OSBPL9: variants seen among roughly 807,000 people sequenced by gnomAD.
OSBPL9 encodes the protein oxysterol-binding protein-related protein 9.
In OSBPL9, 40 loss-of-function variants were observed where a neutral mutation model predicts 106.6. The ratio of observed to expected loss-of-function variants is 0.38; its 90% CI spans 0.29 to 0.49. The LOEUF (loss-of-function observed/expected upper bound fraction) is 0.49, where lower values mean the gene tolerates loss of function less well. Among genes scored for constraint, OSBPL9 ranks in the 20% least tolerant of loss-of-function variants. The pLI is 0.97. For missense variants in OSBPL9, 609 were observed against 887.2 expected, an observed-to-expected ratio of 0.69 and a Z score of 3.98; for synonymous variants, 269 against 295.4, an observed-to-expected ratio of 0.91 and a Z score of 0.92.
the OSBPL9 span, among the ~76,000 whole-genome samples, chr1:51,540,357 C>A: frequency 6.6e-5 from 10 of 151,992 alleles, no homozygotes; most frequent in Non-Finnish European, 1.0e-4. Context: ...TTCTTCTTAG[C>A]CTTTAAAACA....
At chr1:51,549,847 C>T in the OSBPL9 span, among the ~76,000 whole-genome samples, 1 of 151,938 alleles carries the variant, frequency 6.6e-6, no homozygotes, top group South Asian at 2.1e-4. Context: ...CAAAACAAAA[C>T]AAAAAGCACT....
At chr1:51,724,505 C>T (rs1478035161) in intron 4 of OSBPL9, among the ~76,000 whole-genome samples, 1 of 151,980 alleles carries the variant, frequency 6.6e-6, no homozygotes, top group East Asian at 1.9e-4. Flanking sequence ...AGGCTGGTCT[C>T]GAACTCCTGA....
Position 51,641,776 on chromosome 1 carries a change from G to A in OSBPL9, c.112-10215G>A, listed in dbSNP as rs182755560. The stretch of plus-strand genomic sequence containing the variant: ...TAGGATCTGTTTCTCAGCTTCCTGG[G>A]AGCACCGGGTCAATGCCGAGATAAA... On this transcript the variant is annotated intron_variant, in intron 1 of 23. Transcript: ENST00000428468. 1.6e-3 allele frequency among the ~76,000 whole-genome samples: 242 copies of A among 152,170 alleles called. 3 individuals are homozygous for A. Among genetic ancestry groups the A allele is most frequent in the South Asian group, 0.014 (66 of 4,820 alleles).
intron 3 of OSBPL9, among the ~76,000 whole-genome samples, chr1:51,697,291 A>T (rs1656236989): frequency 6.6e-6 from 1 of 152,096 alleles, no homozygotes; most frequent in African/African-American, 2.4e-5. Flanking sequence ...GAATTGTTTT[A>T]TCCTTGCTCA....
intron 12 of OSBPL9, among the ~76,000 whole-genome samples, chr1:51,771,248 T>C (rs1429493596): frequency 1.3e-5 from 2 of 152,230 alleles, no homozygotes; most frequent in Admixed American, 6.5e-5. Flanking sequence ...GTGTACTGTT[T>C]TATAAATATC....
chr1:51,555,162 T>C, the OSBPL9 span, among the ~76,000 whole-genome samples: 1 of 152,200 alleles, frequency 6.6e-6, no homozygotes, highest in Admixed American at 6.5e-5. Flanking sequence ...CTCAGATTGA[T>C]AGTGCCTACT....
At chr1:51,582,285 G>C (rs10888730) in intron 1 of OSBPL9, among the ~76,000 whole-genome samples, 30,022 of 151,964 alleles carry the variant, frequency 0.2, 4,345 homozygotes, top group African/African-American at 0.41. Flanking sequence ...ATTACCAAAA[G>C]GAAGTGGTCA....
At chr1:51,760,585 T>G (rs2149064124) in intron 9 of OSBPL9, 105 bp from the exon 10 acceptor site, 209 of 1,525,790 alleles carry the variant, frequency 1.4e-4, no homozygotes, top group Middle Eastern at 9.2e-4. Flanking sequence ...AACATATCTA[T>G]ATAGCTACCC....
intron 4 of OSBPL9, among the ~76,000 whole-genome samples, chr1:51,723,880 T>C (rs2148918727): frequency 1.3e-5 from 2 of 152,340 alleles, no homozygotes; most frequent in Middle Eastern, 6.8e-3. Context: ...GGAGTGCCAT[T>C]GTTGGATCAT....
chr1:51,630,047 C>G (rs1390668364), intron 1 of OSBPL9, among the ~76,000 whole-genome samples: 1 of 151,856 alleles, frequency 6.6e-6, no homozygotes, highest in African/African-American at 2.4e-5. Flanking sequence ...CCCTTTTTCA[C>G]AGGGGACGGA....
chr1:51,614,856 G>A (rs1644014722), upstream of OSBPL9, among the ~76,000 whole-genome samples: 1 of 152,102 alleles, frequency 6.6e-6, no homozygotes, highest in South Asian at 2.1e-4. Flanking sequence ...TAGCAAACTT[G>A]CCTAAGGCCA....
intron 4 of OSBPL9, among the ~76,000 whole-genome samples, chr1:51,742,566 C>A (rs1667158050): frequency 6.7e-6 from 1 of 150,332 alleles, no homozygotes; most frequent in Non-Finnish European, 1.5e-5. Flanking sequence ...CCTGTCTCCA[C>A]AAAAAAAGTA....
the OSBPL9 span, among the ~76,000 whole-genome samples, chr1:51,523,789 C>T: frequency 3.9e-5 from 6 of 152,198 alleles, no homozygotes; most frequent in South Asian, 2.1e-4. Context: ...CCCTCCCCAA[C>T]CCATCCTTAA....
At chr1:51,609,234 TC>T (rs1442327416) in intron 2 of OSBPL9, among the ~76,000 whole-genome samples, 1 of 152,108 alleles carries the variant, frequency 6.6e-6, no homozygotes, top group East Asian at 1.9e-4. Flanking sequence ...CTCTTCTTTT[TC>T]CTCTTCTTTA....
chr1:51,535,465 T>C, the OSBPL9 span, among the ~76,000 whole-genome samples: 1 of 152,232 alleles, frequency 6.6e-6, no homozygotes, highest in Non-Finnish European at 1.5e-5. Context: ...TTGGCTCCAT[T>C]TCTCTGCTCC....
At chr1:51,643,285 T>C (rs1326221735) in intron 1 of OSBPL9, among the ~76,000 whole-genome samples, 1 of 152,190 alleles carries the variant, frequency 6.6e-6, no homozygotes, top group African/African-American at 2.4e-5. Flanking sequence ...GGATTTTATT[T>C]TCCCACAGTA....
At chr1:51,529,120 C>A in the OSBPL9 span, among the ~76,000 whole-genome samples, 54 of 152,280 alleles carry the variant, frequency 3.5e-4, no homozygotes, top group Non-Finnish European at 4.9e-4. Flanking sequence ...ATTAGAATAC[C>A]AGTTAGCTTC....
chr1:51,678,654 CTG>C (rs1651849745), intron 3 of OSBPL9, among the ~76,000 whole-genome samples: 1 of 152,288 alleles, frequency 6.6e-6, no homozygotes, highest in South Asian at 2.1e-4. Flanking sequence ...GAGCAAGACT[CTG>C]TCTCCAAAAA....
chr1:51,679,906 G>C (rs1343012567), intron 3 of OSBPL9, among the ~76,000 whole-genome samples: 1 of 152,014 alleles, frequency 6.6e-6, no homozygotes, highest in Non-Finnish European at 1.5e-5. Flanking sequence ...CTTTATTATA[G>C]GCAAGTATGT....
Sources: allele counts gnomAD v4.1 joint callset (sites outside exome capture counted in the v4.1 genomes callset), GRCh38; gene constraint gnomAD v4.1.1; transcripts MANE v1.5; gene names NCBI Gene and HGNC (gene_info 2026-07-23, HGNC 2026-07-21).